Variants in ADGRL2 observed in about 807,000 individuals in gnomAD.
The protein encoded by ADGRL2 is adhesion G protein-coupled receptor L2.
In ADGRL2, 44 loss-of-function variants were observed where a neutral mutation model predicts 157.4. That is an observed-to-expected ratio of 0.28 (90% CI 0.22 to 0.36). ADGRL2 has a LOEUF of 0.36. ADGRL2 is among the 10% of genes least tolerant of loss of function. The pLI is 1.00. For synonymous variants in ADGRL2, 585 were observed against 624.7 expected (o/e 0.94, Z 0.95); for missense variants, 1,510 against 1,768.9 (o/e 0.85, Z 2.63).
intron 2 of ADGRL2, among the ~76,000 whole-genome samples, chr1:81,526,024 G>T (rs1441497969): frequency 6.6e-6 from 1 of 152,106 alleles, no homozygotes; most frequent in Middle Eastern, 3.2e-3. Context: ...AGAAGACCAA[G>T]ATCAGATCAT....
chr1:81,606,773 T>TGTGTGC (rs1553129625), intron 3 of ADGRL2, among the ~76,000 whole-genome samples: 1 of 115,686 alleles, frequency 8.6e-6, no homozygotes, highest in African/African-American at 2.9e-5. Flanking sequence ...TGTGTGTGTG[T>TGTGTGC]GCGCACGCGT....
At chr1:81,536,168 A>G (rs2079732460) in intron 2 of ADGRL2, among the ~76,000 whole-genome samples, 1 of 152,216 alleles carries the variant, frequency 6.6e-6, no homozygotes, top group Non-Finnish European at 1.5e-5. Flanking sequence ...GTTTGAATAA[A>G]CATCCAAACA....
At chr1:81,583,702 C>T (rs181612392) in intron 3 of ADGRL2, among the ~76,000 whole-genome samples, 3 of 151,984 alleles carry the variant, frequency 2.0e-5, no homozygotes, top group African/African-American at 2.4e-5. Flanking sequence ...GAAAACAATA[C>T]GTTTTCAAGC....
chr1:81,485,877 C>T (rs1284414667), intron 2 of ADGRL2, among the ~76,000 whole-genome samples: 1 of 151,908 alleles, frequency 6.6e-6, no homozygotes, highest in Non-Finnish European at 1.5e-5. Flanking sequence ...AGACCATCAG[C>T]ACAGAAAACT....
chr1:81,963,596 A>AT (rs201942530), intron 11 of ADGRL2, among the ~76,000 whole-genome samples: 2,489 of 151,132 alleles, frequency 0.016, 44 homozygotes, highest in South Asian at 0.06. Flanking sequence ...TTTTGTAAAG[A>AT]TTTTTTTTTA....
intron 1 of ADGRL2, among the ~76,000 whole-genome samples, chr1:81,424,309 C>T (rs990514377): frequency 3.9e-5 from 6 of 152,192 alleles, no homozygotes; most frequent in East Asian, 3.8e-4. Flanking sequence ...AGTGCACAGC[C>T]GTCAGACACA....
intron 3 of ADGRL2, among the ~76,000 whole-genome samples, chr1:81,611,074 A>C (rs752450379): frequency 6.6e-6 from 1 of 152,232 alleles, no homozygotes; most frequent in Non-Finnish European, 1.5e-5. Flanking sequence ...CTAGAGGTAC[A>C]GTAAAGCCTT....
chr1:81,955,161 C>T (rs1653089413), intron 10 of ADGRL2, among the ~76,000 whole-genome samples: 1 of 152,142 alleles, frequency 6.6e-6, no homozygotes, highest in African/African-American at 2.4e-5. Context: ...CTTGATTCTA[C>T]TTTCCTGTTT....
intron 13 of ADGRL2, among the ~76,000 whole-genome samples, chr1:81,967,731 A>G (rs930156626): frequency 6.6e-6 from 1 of 152,218 alleles, no homozygotes; most frequent in Admixed American, 6.5e-5. Context: ...ATTTTATCAG[A>G]AAGGAAAAAA....
At chr1:81,542,030 C>T (rs2079898097) in intron 2 of ADGRL2, among the ~76,000 whole-genome samples, 1 of 152,144 alleles carries the variant, frequency 6.6e-6, no homozygotes, top group Non-Finnish European at 1.5e-5. Context: ...TTGCCTCAGA[C>T]TTAAAGGTCC....
chr1:81,775,801 G>C (rs2086559535), intron 2 of ADGRL2, among the ~76,000 whole-genome samples: 1 of 152,124 alleles, frequency 6.6e-6, no homozygotes. Flanking sequence ...TTGTAAAAAG[G>C]TTGGTACAGA....
At chr1:81,966,255 T>G in intron 12 of ADGRL2, 72 bp downstream of exon 12, 1 of 1,594,440 alleles carries the variant, frequency 6.3e-7, no homozygotes, top group Non-Finnish European at 8.6e-7. Flanking sequence ...TAAAATGTAT[T>G]TGAGTCCTTA....
intron 1 of ADGRL2, among the ~76,000 whole-genome samples, chr1:81,824,608 T>C (rs776388329): frequency 1.6e-4 from 24 of 152,184 alleles, no homozygotes; most frequent in Non-Finnish European, 1.5e-4. Flanking sequence ...TTTAAAAGCT[T>C]AATTGAAGAG....
At chr1:81,416,102 G>A (rs1304945643) in intron 1 of ADGRL2, among the ~76,000 whole-genome samples, 1 of 151,830 alleles carries the variant, frequency 6.6e-6, no homozygotes, top group Non-Finnish European at 1.5e-5. Context: ...CGCCCACCTC[G>A]GCCTCCCAAA....
chr1:81,698,367 C>T (rs1005027544), upstream of ADGRL2, among the ~76,000 whole-genome samples: 24 of 152,032 alleles, frequency 1.6e-4, no homozygotes, highest in Admixed American at 1.4e-3. Context: ...ATGAAAGAAG[C>T]CTTCAAGAGT....
intron 3 of ADGRL2, among the ~76,000 whole-genome samples, chr1:81,921,987 G>A (rs1453554255): frequency 6.6e-6 from 1 of 152,144 alleles, no homozygotes; most frequent in African/African-American, 2.4e-5. Context: ...TGTTTATGGA[G>A]TTAATATATT....
chr1:81,603,063 A>G (rs945661785), intron 3 of ADGRL2, among the ~76,000 whole-genome samples: 4 of 151,718 alleles, frequency 2.6e-5, no homozygotes, highest in African/African-American at 9.7e-5. Flanking sequence ...AGACTAGATC[A>G]CTCTCTCTTT....
At chr1:81,828,822 C>A (rs1452771846) in intron 1 of ADGRL2, among the ~76,000 whole-genome samples, 1 of 152,040 alleles carries the variant, frequency 6.6e-6, no homozygotes, top group Non-Finnish European at 1.5e-5. Flanking sequence ...ACCTAACAGC[C>A]ACTCAAAATG....
At chr1:81,571,282 G>A (rs1220132090) in intron 2 of ADGRL2, among the ~76,000 whole-genome samples, 1 of 150,854 alleles carries the variant, frequency 6.6e-6, no homozygotes, top group African/African-American at 2.4e-5. Flanking sequence ...CCAAGATCAT[G>A]CCACTGCATG....
Sources: gnomAD v4.1 joint callset for allele counts (sites outside exome capture counted in the v4.1 genomes callset) on GRCh38, gnomAD v4.1.1 for gene constraint, MANE v1.5 for transcripts, NCBI Gene and HGNC (gene_info 2026-07-23, HGNC 2026-07-21) for gene names.